The following CDH13 variants were observed in gnomAD, a reference collection of about 807,000 sequenced individuals.
CDH13 encodes the protein cadherin 13.
CDH13 carries 24 observed loss-of-function variants against 63.8 expected under a neutral mutation model. The observed-to-expected ratio is 0.38, with a 90% CI of 0.27 to 0.53. The LOEUF (loss-of-function observed/expected upper bound fraction) is 0.53. Among genes scored for constraint, CDH13 ranks in the 20% least tolerant of loss-of-function variants. CDH13 has a pLI of 0.85. For synonymous variants in CDH13, 503 were observed against 355.3 expected (o/e 1.42, Z -4.67); for missense variants, 1,049 against 903.1 (o/e 1.16, Z -2.07).
intron 6 of CDH13, among the ~76,000 whole-genome samples, chr16:83,408,729 C>T (rs1398008597): frequency 6.6e-6 from 1 of 152,178 alleles, no homozygotes; most frequent in Non-Finnish European, 1.5e-5. Context: ...TGAAAAGGGC[C>T]TTGCTAAATG....
At chr16:83,737,676 C>T (rs1008479215) in intron 10 of CDH13, among the ~76,000 whole-genome samples, 9 of 152,122 alleles carry the variant, frequency 5.9e-5, no homozygotes, top group African/African-American at 2.2e-4. Context: ...ATCAGAGCCA[C>T]CTGGAAAACA....
intron 5 of CDH13, among the ~76,000 whole-genome samples, chr16:83,312,819 A>T (rs985362136): frequency 1.3e-5 from 2 of 152,230 alleles, no homozygotes; most frequent in African/African-American, 4.8e-5. Flanking sequence ...AGTCAGCAAA[A>T]ATAAAGGCAG....
At chr16:83,147,689 C>T (rs989680788) in intron 4 of CDH13, among the ~76,000 whole-genome samples, 2 of 152,104 alleles carry the variant, frequency 1.3e-5, no homozygotes, top group Admixed American at 1.3e-4. Context: ...ATTCCTTTGC[C>T]TTTCCACCCC....
intron 5 of CDH13, among the ~76,000 whole-genome samples, chr16:83,295,264 A>G (rs942615895): frequency 2.0e-5 from 3 of 152,178 alleles, no homozygotes; most frequent in Non-Finnish European, 4.4e-5. Context: ...AAGACTTGAA[A>G]CTATGAAACA....
chr16:83,401,406 G>A (rs11149561), intron 6 of CDH13, among the ~76,000 whole-genome samples: 86,474 of 151,464 alleles, frequency 0.57, 25,595 homozygotes, highest in East Asian at 0.81. Context: ...AGGCGTGGTG[G>A]GAAGCTGAGG....
intron 7 of CDH13, among the ~76,000 whole-genome samples, chr16:83,501,210 G>A (rs1404391348): frequency 1.3e-5 from 2 of 152,208 alleles, no homozygotes; most frequent in Non-Finnish European, 2.9e-5. Context: ...ACAGCCATGG[G>A]AAATGAATTT....
chr16:83,507,307 C>T (rs1329843572), intron 7 of CDH13, among the ~76,000 whole-genome samples: 2 of 152,194 alleles, frequency 1.3e-5, no homozygotes, highest in African/African-American at 2.4e-5. Flanking sequence ...TGTATGCATT[C>T]TTCAAAGAGG....
At chr16:83,416,845 C>T (rs9788907) in intron 6 of CDH13, among the ~76,000 whole-genome samples, 4 of 152,018 alleles carry the variant, frequency 2.6e-5, no homozygotes, top group East Asian at 1.9e-4. Context: ...TAAGGATTCT[C>T]ATCAGTAAGA....
chr16:83,132,072 G>C (rs1288305599), intron 4 of CDH13, among the ~76,000 whole-genome samples: 2 of 152,130 alleles, frequency 1.3e-5, no homozygotes, highest in African/African-American at 4.8e-5. Context: ...CCACCTATGC[G>C]AATAGGTGCC....
chr16:82,881,987 C>G (rs2040719347), intron 2 of CDH13, among the ~76,000 whole-genome samples: 1 of 152,060 alleles, frequency 6.6e-6, no homozygotes, highest in Non-Finnish European at 1.5e-5. Context: ...TTCAAGTTCC[C>G]CATTATTAAC....
chr16:82,928,354 C>A (rs1201062191), intron 2 of CDH13, among the ~76,000 whole-genome samples: 2 of 152,042 alleles, frequency 1.3e-5, no homozygotes, highest in Non-Finnish European at 2.9e-5. Flanking sequence ...TCATGTGGAC[C>A]CATTGCATGT....
chr16:83,036,276 A>C (rs1916848161), intron 3 of CDH13, among the ~76,000 whole-genome samples: 1 of 150,060 alleles, frequency 6.7e-6, no homozygotes, highest in Non-Finnish European at 1.5e-5. Flanking sequence ...CAGCCTTCTG[A>C]GTGGCTGAGA....
intron 2 of CDH13, among the ~76,000 whole-genome samples, chr16:83,012,318 CT>C (rs33972456): frequency 0.31 from 37,438 of 120,886 alleles, 4,208 homozygotes; most frequent in African/African-American, 0.41. Flanking sequence ...GGTTTCTTTC[CT>C]TTTTTTTTTT....
intron 3 of CDH13, among the ~76,000 whole-genome samples, chr16:83,119,364 G>A (rs1288362763): frequency 2.6e-5 from 4 of 152,208 alleles, no homozygotes; most frequent in African/African-American, 9.6e-5. Context: ...CCTCCTGAAT[G>A]CAATTCCTCA....
intron 3 of CDH13, among the ~76,000 whole-genome samples, chr16:83,032,557 C>G (rs1259517564): frequency 1.3e-5 from 2 of 152,060 alleles, no homozygotes; most frequent in Non-Finnish European, 2.9e-5. Flanking sequence ...ACAGTCACAT[C>G]TCTCCCTGCC....
At chr16:83,593,497 A>G (rs1906957546) in intron 7 of CDH13, among the ~76,000 whole-genome samples, 1 of 152,088 alleles carries the variant, frequency 6.6e-6, no homozygotes, top group Non-Finnish European at 1.5e-5. Context: ...AATTGACAAC[A>G]GTACAAATCA....
chr16:83,563,205 G>A (rs1238860403), intron 7 of CDH13, among the ~76,000 whole-genome samples: 1 of 152,204 alleles, frequency 6.6e-6, no homozygotes, highest in Non-Finnish European at 1.5e-5. Context: ...CCTCTTCTTA[G>A]GAGTCTCCAA....
chr16:82,878,394 G>C (rs1035511059), intron 2 of CDH13, among the ~76,000 whole-genome samples: 1 of 151,582 alleles, frequency 6.6e-6, no homozygotes, highest in African/African-American at 2.4e-5. Flanking sequence ...CTCTAAGACA[G>C]CAAATGCCTC....
rs1204825433 is a variant in CDH13 at position 83,047,909 on chromosome 16, G to A, written c.366+15691G>A. Among the ~76,000 whole-genome samples the A allele has an allele frequency of 6.6e-6, 1 of 152,182 alleles. No individual in the cohort carries two copies. The highest frequency in any genetic ancestry group is 1.5e-5 in the Non-Finnish European group (1 of 68,040). ...GAATAAAGGAAGACGGGGAGACTAT[G>A]TGTGACCAGCACAGGGTCATACATC... On this transcript the variant is annotated intron_variant, in intron 3 of 13. Coordinates refer to ENST00000567109, the MANE Select transcript of CDH13 (RefSeq NM_001257.5). The surrounding 1 kb of genome is among the most constrained non-coding windows in gnomAD (Gnocchi z 4.9).
Sources: allele counts gnomAD v4.1 joint callset (sites outside exome capture counted in the v4.1 genomes callset), GRCh38; gene constraint gnomAD v4.1.1; non-coding constraint Gnocchi (gnomAD v3.1); transcripts MANE v1.5; gene names NCBI Gene and HGNC (gene_info 2026-07-23, HGNC 2026-07-21).